MGMT: variants seen among roughly 807,000 people sequenced by gnomAD.
MGMT encodes the protein methylated-DNA--protein-cysteine methyltransferase.
A neutral mutation model predicts 15.9 loss-of-function variants in MGMT; 14 were observed. The ratio of observed to expected loss-of-function variants is 0.88; its 90% confidence interval spans 0.58 to 1.37. The LOEUF (loss-of-function observed/expected upper bound fraction) is 1.37. Ranked by LOEUF, MGMT falls within the 40% of genes most tolerant of loss-of-function variation. MGMT has a pLI of 0.00. For missense variants in MGMT, 282 were observed against 268.1 expected (o/e 1.05, Z -0.36); for synonymous variants, 130 against 118.2 (o/e 1.10, Z -0.65).
At chr10:129,506,682 T>A (rs1203996366) in intron 1 of MGMT, among the ~76,000 whole-genome samples, 2 of 152,140 alleles carry the variant, frequency 1.3e-5, no homozygotes, top group Non-Finnish European at 2.9e-5. Flanking sequence ...TATAATCCGC[T>A]CTATCCGAAA....
intron 1 of MGMT, among the ~76,000 whole-genome samples, chr10:129,516,246 C>T (rs1176944696): frequency 6.6e-6 from 1 of 152,218 alleles, no homozygotes; most frequent in Admixed American, 6.5e-5. Flanking sequence ...TCATCACGAC[C>T]CACATCAGCT....
intron 2 of MGMT, among the ~76,000 whole-genome samples, chr10:129,616,678 C>T (rs1406232612): frequency 2.6e-5 from 4 of 152,276 alleles, no homozygotes; most frequent in South Asian, 2.1e-4. Flanking sequence ...GAGACATCTT[C>T]GAGAGTCACC....
intron 2 of MGMT, among the ~76,000 whole-genome samples, chr10:129,623,287 C>T (rs192337380): frequency 2.0e-4 from 31 of 152,220 alleles, no homozygotes; most frequent in Non-Finnish European, 2.2e-4. Flanking sequence ...ACCTGGTGCT[C>T]CCTGAGCCGC....
chr10:129,530,420 C>A (rs892695515), intron 1 of MGMT, among the ~76,000 whole-genome samples: 11 of 152,206 alleles, frequency 7.2e-5, no homozygotes, highest in Admixed American at 5.9e-4. Flanking sequence ...TTTCTCCCCC[C>A]AGGAGATCAC....
chr10:129,470,216 A>G (rs1370335677), intron 1 of MGMT, among the ~76,000 whole-genome samples: 1 of 152,132 alleles, frequency 6.6e-6, no homozygotes, highest in Non-Finnish European at 1.5e-5. Flanking sequence ...CTTGGTTGGC[A>G]TGAGGATTTT....
At chr10:129,552,003 A>G (rs1323361907) in intron 2 of MGMT, among the ~76,000 whole-genome samples, 3 of 152,226 alleles carry the variant, frequency 2.0e-5, no homozygotes, top group Admixed American at 6.5e-5. Context: ...CTGTGGGATA[A>G]TGATCAGAAG....
intron 1 of MGMT, among the ~76,000 whole-genome samples, chr10:129,535,025 T>A (rs1845970428): frequency 6.6e-6 from 1 of 152,180 alleles, no homozygotes; most frequent in East Asian, 1.9e-4. Context: ...TAAAACTTTA[T>A]TTACAAAGAC....
chr10:129,712,070 A>T (rs1217910281), intron 3 of MGMT, among the ~76,000 whole-genome samples: 1 of 152,198 alleles, frequency 6.6e-6, no homozygotes, highest in Non-Finnish European at 1.5e-5. Flanking sequence ...GTTCAAGAAA[A>T]GCAGACCTAC....
At chr10:129,665,876 G>A (rs1847653730) in intron 2 of MGMT, among the ~76,000 whole-genome samples, 1 of 152,222 alleles carries the variant, frequency 6.6e-6, no homozygotes, top group African/African-American at 2.4e-5. Flanking sequence ...AAAGTGTATT[G>A]TGGGAGAGAC....
chr10:129,761,375 C>T (rs1184171512), intron 4 of MGMT, among the ~76,000 whole-genome samples: 2 of 152,214 alleles, frequency 1.3e-5, no homozygotes, highest in Non-Finnish European at 2.9e-5. Flanking sequence ...TGTGCAGCTC[C>T]CCTTTTGCTG....
chr10:129,681,051 G>C (rs932011887), intron 2 of MGMT, among the ~76,000 whole-genome samples: 2 of 152,180 alleles, frequency 1.3e-5, no homozygotes, highest in South Asian at 2.1e-4. Flanking sequence ...CTGTGGCCCT[G>C]CTTTGTGTCC....
intron 3 of MGMT, among the ~76,000 whole-genome samples, chr10:129,712,938 G>A (rs1848249507): frequency 6.6e-6 from 1 of 152,142 alleles, no homozygotes; most frequent in Non-Finnish European, 1.5e-5. Context: ...AGGGTCCTAG[G>A]GCCCGTTTGG....
chr10:129,739,419 A>G (rs1848604476), intron 3 of MGMT, among the ~76,000 whole-genome samples: 1 of 152,186 alleles, frequency 6.6e-6, no homozygotes, highest in South Asian at 2.1e-4. Flanking sequence ...TCTCAGCCCA[A>G]AATCTCCTCT....
intron 1 of MGMT, among the ~76,000 whole-genome samples, chr10:129,485,238 G>A (rs1335984619): frequency 6.6e-6 from 1 of 152,182 alleles, no homozygotes; most frequent in African/African-American, 2.4e-5. Context: ...TGTTCTCTGA[G>A]TAGGCCCTTC....
chr10:129,651,042 G>T (rs1341882587), intron 2 of MGMT, among the ~76,000 whole-genome samples: 1 of 152,194 alleles, frequency 6.6e-6, no homozygotes, highest in Non-Finnish European at 1.5e-5. Flanking sequence ...GGAGCCACAG[G>T]ATCCTGGGGA....
intron 2 of MGMT, among the ~76,000 whole-genome samples, chr10:129,636,375 C>A (rs1054191774): frequency 3.3e-5 from 5 of 152,192 alleles, no homozygotes. Flanking sequence ...TAAATGTTGG[C>A]TCTGAAGAGA....
chr10:129,521,182 G>A lies in MGMT; in HGVS notation c.-12-15059G>A, dbSNP rs1053909581. ...TCTCAGAGCTCAGGCCCCGCACATC[G>A]TCAGAGTGACCTCACCAGCTCCAAG... On this transcript the variant is annotated intron_variant, in intron 1 of 4. Transcript: ENST00000651593. Among the ~76,000 whole-genome samples, 7 of 152,240 alleles carry A rather than the reference G, an allele frequency of 4.6e-5. No homozygotes were observed. In the South Asian group the frequency reaches 6.2e-4, roughly 14 times the overall value.
chr10:129,567,253 G>A (rs1031730010), intron 2 of MGMT, among the ~76,000 whole-genome samples: 6 of 152,144 alleles, frequency 3.9e-5, no homozygotes, highest in African/African-American at 1.4e-4. Context: ...TAGGAAAGTA[G>A]TTCTCAGCTC....
At chr10:129,641,637 G>T (rs970117391) in intron 2 of MGMT, among the ~76,000 whole-genome samples, 5 of 152,110 alleles carry the variant, frequency 3.3e-5, no homozygotes, top group Admixed American at 3.3e-4. Flanking sequence ...TTTCACCTTT[G>T]TGCATGCTAC....
Sources: allele counts gnomAD v4.1 joint callset (sites outside exome capture counted in the v4.1 genomes callset), GRCh38; gene constraint gnomAD v4.1.1; transcripts MANE v1.5; gene names NCBI Gene and HGNC (gene_info 2026-07-23, HGNC 2026-07-21).